TNK2: variants seen among roughly 807,000 people sequenced by gnomAD.
TNK2 encodes the protein activated CDC42 kinase 1.
TNK2 carries 83 observed loss-of-function variants against 101.8 expected under a neutral mutation model. The observed-to-expected ratio is 0.82, with a 90% CI of 0.68 to 0.98. TNK2 has a LOEUF of 0.98. TNK2 is among the 50% of genes least tolerant of loss of function. TNK2 has a pLI of 0.00. For synonymous variants in TNK2, 804 were observed against 633.0 expected, an observed-to-expected ratio of 1.27 and a Z score of -4.06; for missense variants, 1,665 against 1,483.2, an observed-to-expected ratio of 1.12 and a Z score of -2.01.
chr3:195,870,012 TC>T (rs1160864556), intron 11 of TNK2, 101 bp downstream of exon 11: 7 of 929,484 alleles, frequency 7.5e-6, no homozygotes, highest in Non-Finnish European at 6.3e-6. Context: ...GACCCCACTG[TC>T]CCCAAAAACA....
At chr3:195,870,058 GC>G (rs1354770702) in intron 11 of TNK2, 55 bp downstream of exon 11, 1 of 1,309,136 alleles carries the variant, frequency 7.6e-7, no homozygotes, top group African/African-American at 1.5e-5. Context: ...TGAAGACAGT[GC>G]CCCTTCCTGA....
rs1299587433 is a variant in TNK2, at chr3:195,883,291, A to G, written c.475T>C (p.Cys159Arg). Residue 159 changes from cysteine (C) to arginine (R), a missense_variant, in exon 5 of 16, where the codon TGC becomes CGC. Physicochemically the swap from Cys to Arg is radical, Grantham distance 180. Coordinates refer to ENST00000672887, the MANE Select transcript of TNK2 (RefSeq NM_001382273.1). The part of the protein sequence containing the change: ...SGKTVSVAVK[C>R]LKPDVLSQPE... ...TGGCTCAGGACATCGGGCTTCAGGC[A>G]CTTCACAGCCACACTCACCTGCCCA... 6.2e-7 allele frequency: 1 copy of G among 1,613,280 alleles called. No individual in the cohort carries two copies. Among genetic ancestry groups the G allele is most frequent in the Non-Finnish European group, 8.5e-7 (1 of 1,180,004 alleles).
At chr3:195,895,118 T>C (rs951058591) in intron 1 of TNK2, 5 of 858,720 alleles carry the variant, frequency 5.8e-6, no homozygotes, top group Non-Finnish European at 8.4e-6. Context: ...CCGCTCTCTG[T>C]CCCCTGGCCC....
rs114272733 is a variant in TNK2, at chr3:195,867,987, G to A, written c.2311C>T (p.Leu771=). The A allele has an allele frequency of 4.7e-3, 7,379 of 1,559,500 alleles. 48 individuals are homozygous for A. Among genetic ancestry groups the A allele is most frequent in the East Asian group, 0.012 (523 of 43,680 alleles). ...PPRPTRPHVQ[L]SPAPPGEEET... is the part of the protein sequence containing the mutation. ...TCCTCGCCCGGGGGGGCTGGAGACA[G>A]CTGGACGTGTGGGCGCGTGGGCCGA... is the stretch of plus-strand genomic sequence containing the variant. Residue 771 remains leucine, a synonymous_variant, in exon 13 of 16, where the codon CTG becomes TTG. Coordinates refer to ENST00000672887, the MANE Select transcript of TNK2 (RefSeq NM_001382273.1).
rs267599753 is a variant in TNK2, at chr3:195,878,554, G to C, written c.1053C>G (p.Pro351=). 1.2e-6 allele frequency: 2 copies of C among 1,613,420 alleles called. No individual in the cohort carries two copies. The highest frequency in any genetic ancestry group is 2.7e-5 in the African/African-American group (2 of 74,934). The change falls in exon 8 of 16, where the codon CCC becomes CCG. Residue 351 remains proline, a synonymous_variant. Coordinates refer to ENST00000672887, the MANE Select transcript of TNK2 (RefSeq NM_001382273.1). This position sits in a 1 kb window ranked among gnomAD's most constrained non-coding sequence, Gnocchi z 4.7. ...HKIDKEGERL[P]RPEDCPQDIY... is the part of the protein sequence containing the mutation. ...TGTCCTGGGGACAGTCCTCGGGCCG[G>C]GGCAGCCGCTCCCCCTCCTTGTCGA...
In TNK2 at chr3:195,878,101, C is replaced by CT. The variant is rs1414199146; in HGVS notation, c.1256+151dup. 8.1e-6 allele frequency: 6 copies of CT among 743,196 alleles called. No homozygotes were observed. The highest frequency in any genetic ancestry group is 1.7e-5 in the African/African-American group (1 of 57,822). 46.0% of individuals were successfully genotyped at this position (743,196 alleles called of 1,614,324 possible). A position where few individuals can be genotyped will look rare whatever the true frequency, so the allele number is the denominator to read the frequency against. ...AGGCACTAGGAAGACGGAGGCAGGC[C>CT]TGTCCTCCCCTCACACTGCAGGGTT... On this transcript the variant is annotated intron_variant, in intron 9 of 15. Coordinates refer to ENST00000672887, the MANE Select transcript of TNK2 (RefSeq NM_001382273.1). This position sits in a 1 kb window ranked among gnomAD's most constrained non-coding sequence, Gnocchi z 4.7.
chr3:195,879,129 C>A lies in TNK2; in HGVS notation c.934G>T (p.Asp312Tyr). The change falls in exon 7 of 16, where the codon GAC becomes TAC. Residue 312 changes from aspartate to tyrosine, a missense_variant. Physicochemically the swap from Asp to Tyr is radical, Grantham distance 160. Transcript: ENST00000672887. ...LKTRTFSHAS[D>Y]TWMFGVTLWE... ...AGTGTCACCCCGAACATCCAGGTGT[C>A]GCTGGCATGGGAGAAGGTGCGTGTC... 1.2e-6 allele frequency: 2 copies of A among 1,613,800 alleles called. No individual in the cohort carries two copies. The highest frequency in any genetic ancestry group is 1.7e-6 in the Non-Finnish European group (2 of 1,179,988).
chr3:195,869,644 G>T (rs1220226715), intron 11 of TNK2, 103 bp from the exon 12 acceptor site: 24 of 1,196,236 alleles, frequency 2.0e-5, no homozygotes, highest in Non-Finnish European at 2.8e-5. Context: ...GAGACGAAGG[G>T]AGAGAAGTGA....
intron 1 of TNK2, among the ~76,000 whole-genome samples, chr3:195,907,710 T>C (rs1188047863): frequency 2.6e-5 from 4 of 152,182 alleles, no homozygotes; most frequent in African/African-American, 7.2e-5. Context: ...ACCTCTAGAC[T>C]GGGCTGGGAG....
At position 195,869,537 on chromosome 3, in the gene TNK2, C is replaced by G; in HGVS notation, c.1548G>C (p.Glu516Asp). 6.4e-7 allele frequency: 1 copy of G among 1,551,142 alleles called. No homozygotes were observed. The highest frequency in any genetic ancestry group is 8.7e-7 in the Non-Finnish European group (1 of 1,146,974). ...PPQHLGGVKR[E>D]PPPRPPQPAF... Reference sequence around the variant, plus strand: ...CAGGCTGAGGTGGGCGAGGTGGAGGCTCCCCTGCAAGAAAGGCCATGCGGA... The same window carrying G: ...CAGGCTGAGGTGGGCGAGGTGGAGGGTCCCCTGCAAGAAAGGCCATGCGGA... Residue 516 changes from glutamate to aspartate, a missense_variant, in exon 12 of 16, where the codon GAG (glutamate) becomes GAC (aspartate). By Grantham distance (45) the Glu-to-Asp change is conservative. Coordinates refer to ENST00000672887, the MANE Select transcript of TNK2 (RefSeq NM_001382273.1).
In TNK2 at chr3:195,886,881, C is replaced by T; in HGVS notation, c.234+96G>A. The T allele has an allele frequency of 7.2e-7, 1 of 1,384,096 alleles. No individual in the cohort carries two copies. The highest frequency in any genetic ancestry group is 1.7e-5 in the Admixed American group (1 of 59,146). The allele number at this position is 1,384,096 out of a possible 1,614,324, so 85.7% of individuals were successfully genotyped here. The stretch of plus-strand genomic sequence containing the variant: ...GTGCCGGCAGAACGGCGAGATTCGA[C>T]CTGCCGGGGAGCTGGGGAAGGTTCC... On this transcript the variant is annotated intron_variant, in intron 3 of 15. Coordinates refer to ENST00000672887, the MANE Select transcript of TNK2 (RefSeq NM_001382273.1). This position sits in a 1 kb window ranked among gnomAD's most constrained non-coding sequence, Gnocchi z 4.2.
intron 1 of TNK2, chr3:195,892,425 G>A (rs1237138748): frequency 8.5e-6 from 13 of 1,535,028 alleles, no homozygotes; most frequent in South Asian, 3.6e-5. Context: ...TACAGGCGTC[G>A]CCGCAGTCTG....
At chr3:195,873,354 G>A (rs564449130) in intron 9 of TNK2, among the ~76,000 whole-genome samples, 5 of 152,340 alleles carry the variant, frequency 3.3e-5, no homozygotes, top group Non-Finnish European at 7.3e-5. Flanking sequence ...GGCTCTCACA[G>A]GTTGTGAGGC....
At position 195,878,319 on chromosome 3, in the gene TNK2, T is replaced by C. The variant is rs768463774; in HGVS notation, c.1190A>G (p.Gln397Arg). The C allele has an allele frequency of 1.9e-6, 3 of 1,613,934 alleles. No individual in the cohort carries two copies. The highest frequency in any genetic ancestry group is 3.3e-5 in the Admixed American group (2 of 60,002). Reference sequence around the variant, plus strand: ...CAGCTTGTCCGGTTCCTCAAAGTCCTGAAGGGCCCGCATGTCTGTGGGCTG... The same window carrying C: ...CAGCTTGTCCGGTTCCTCAAAGTCCCGAAGGGCCCGCATGTCTGTGGGCTG... Reference protein sequence around the residue: ...EAQPTDMRALQDFEEPDKLHI... With the variant: ...EAQPTDMRALRDFEEPDKLHI... The change falls in exon 9 of 16, where the codon CAG becomes CGG. Residue 397 changes from glutamine (Q) to arginine (R), a missense_variant. By Grantham distance (43) the Gln-to-Arg change is conservative (BLOSUM62 1). Transcript: ENST00000672887. This position sits in a 1 kb window ranked among gnomAD's most constrained non-coding sequence, Gnocchi z 4.7.
Position 195,868,533 on chromosome 3 carries a change from C to G in TNK2, c.1765G>C (p.Gly589Arg). ...AGGGCCGGGACCACGGGCTCCTCAC[C>G]GAAGTCGATGAGCGTGACCTCAGCC... ...SGAEVTLIDF[G>R]EEPVVPALRP... The change falls in exon 13 of 16, where the codon GGT becomes CGT. Residue 589 changes from glycine (G) to arginine (R), a missense_variant. Coordinates refer to ENST00000672887, the MANE Select transcript of TNK2 (RefSeq NM_001382273.1). 6.4e-7 allele frequency: 1 copy of G among 1,564,544 alleles called. No individual in the cohort carries two copies. The highest frequency in any genetic ancestry group is 1.4e-5 in the African/African-American group (1 of 73,614).
At position 195,885,213 on chromosome 3, in the gene TNK2, C is replaced by T. The variant is rs572515909; in HGVS notation, c.235-180G>A. The stretch of plus-strand genomic sequence containing the variant: ...CCACACTCCGTCCAGGGCACACCCC[C>T]AAACATGAACCCAAAGCCTGATGCT... On this transcript the variant is annotated intron_variant, in intron 3 of 15. Coordinates refer to ENST00000672887, the MANE Select transcript of TNK2 (RefSeq NM_001382273.1). This position sits in a 1 kb window ranked among gnomAD's most constrained non-coding sequence, Gnocchi z 4.7. 9.0e-5 allele frequency: 91 copies of T among 1,011,370 alleles called. 1 individual carries two copies. The South Asian group carries it at 1.5e-3, about 17-fold the overall frequency. 62.6% of individuals were successfully genotyped at this position (1,011,370 alleles called of 1,614,324 possible).
At position 195,868,373 on chromosome 3, in the gene TNK2, C is replaced by A; in HGVS notation, c.1925G>T (p.Arg642Leu). 3 of 1,593,226 alleles carry A rather than the reference C, an allele frequency of 1.9e-6. No homozygotes were observed. Among genetic ancestry groups the A allele is most frequent in the Non-Finnish European group, 2.6e-6 (3 of 1,175,506 alleles). The change falls in exon 13 of 16, where the codon CGC becomes CTC. Residue 642 changes from arginine to leucine, a missense_variant. By Grantham distance (102) the Arg-to-Leu change is moderately radical. Transcript: ENST00000672887. ...HPTPVVDWDA[R>L]PLPPPPAYDD... ...ATAGGCGGGCGGGGGGGGCAGCGGG[C>A]GTGCGTCCCAGTCCACCACAGGCGT...
rs1276931609 is a variant in TNK2, at chr3:195,863,967, G to A, written c.*214C>T. ...CCTTCCACATCTTGGCAGGGGCACC[G>A]GGACTGAACCAAAGTGTGCAGGGAC... On this transcript the variant is annotated 3_prime_UTR_variant, in exon 16 of 16. Transcript: ENST00000672887. The A allele has an allele frequency of 3.6e-5, 20 of 562,786 alleles. 1 individual carries two copies. Among genetic ancestry groups the A allele is most frequent in the South Asian group, 3.1e-4 (12 of 38,838 alleles). 34.9% of individuals were successfully genotyped at this position (562,786 alleles called of 1,614,324 possible).
rs1008269932 is a variant in TNK2, at chr3:195,878,005, G to A, written c.1256+248C>T. Among the ~76,000 whole-genome samples the A allele has an allele frequency of 6.6e-6, 1 of 152,122 alleles. No individual in the cohort carries two copies. Among genetic ancestry groups the A allele is most frequent in the African/African-American group, 2.4e-5 (1 of 41,418 alleles). On this transcript the variant is annotated intron_variant, in intron 9 of 15. Coordinates refer to ENST00000672887, the MANE Select transcript of TNK2 (RefSeq NM_001382273.1). This position sits in a 1 kb window ranked among gnomAD's most constrained non-coding sequence, Gnocchi z 4.7. ...CACTCCCTACCCCTCCATAAAGGCA[G>A]CCTGGCCCAACCACACAGCCAGGGC...
Sources: allele counts gnomAD v4.1 joint callset (sites outside exome capture counted in the v4.1 genomes callset), GRCh38; gene constraint gnomAD v4.1.1; non-coding constraint Gnocchi (gnomAD v3.1); transcripts MANE v1.5; gene names NCBI Gene and HGNC (gene_info 2026-07-23, HGNC 2026-07-21).